SDK2: variants seen among roughly 807,000 people sequenced by gnomAD.
SDK2 encodes the protein protein sidekick-2.
SDK2 carries 105 observed loss-of-function variants against 253.9 expected under a neutral mutation model. The observed-to-expected ratio is 0.41, with a 90% CI of 0.35 to 0.49. The LOEUF (loss-of-function observed/expected upper bound fraction) is 0.49, where lower values mean the gene tolerates loss of function less well. Ranked by LOEUF, SDK2 falls within the 20% of genes least tolerant of loss-of-function variation. The probability of loss-of-function intolerance (pLI) is 0.06; values close to 1 mark genes in which losing one functional copy is unlikely to be tolerated. For missense variants in SDK2, 2,608 were observed against 3,003.0 expected, an observed-to-expected ratio of 0.87 and a Z score of 3.07; for synonymous variants, 1,249 against 1,234.9, an observed-to-expected ratio of 1.01 and a Z score of -0.24.
At chr17:73,364,611 C>T (rs1214243769) in intron 38 of SDK2, among the ~76,000 whole-genome samples, 1 of 152,078 alleles carries the variant, frequency 6.6e-6, no homozygotes, top group Non-Finnish European at 1.5e-5. Flanking sequence ...AGGGGCTCCC[C>T]TCTTCTTTTT....
chr17:73,628,599 G>A (rs1458778268), intron 1 of SDK2, among the ~76,000 whole-genome samples: 4 of 152,148 alleles, frequency 2.6e-5, no homozygotes, highest in African/African-American at 9.7e-5. Context: ...TGTGGCATAG[G>A]AGAGCTAAAC....
At chr17:73,542,958 G>A (rs1337862214) in intron 1 of SDK2, among the ~76,000 whole-genome samples, 1 of 152,168 alleles carries the variant, frequency 6.6e-6, no homozygotes, top group East Asian at 1.9e-4. Flanking sequence ...CGGATCTGGG[G>A]AGATTGGTGT....
At position 73,435,941 on chromosome 17, in the gene SDK2, A is replaced by T. The variant is rs1452923575; in HGVS notation, c.1001-297T>A. 6.6e-6 allele frequency among the ~76,000 whole-genome samples: 1 copy of T among 152,024 alleles called. No homozygotes were observed. Among genetic ancestry groups the T allele is most frequent in the Admixed American group, 6.6e-5 (1 of 15,262 alleles). On this transcript the variant is annotated intron_variant, in intron 8 of 44. Coordinates refer to ENST00000392650, the MANE Select transcript of SDK2 (RefSeq NM_001144952.2). This position sits in a 1 kb window ranked among gnomAD's most constrained non-coding sequence, Gnocchi z 5.7. The stretch of plus-strand genomic sequence containing the variant: ...ATTTTTTATTTCTATTTGTGTAGAG[A>T]TGGAGTCTTGCTAGGTTGCCCAGGG...
Position 73,398,423 on chromosome 17 carries a change from C to T in SDK2, c.3100G>A (p.Val1034Met), listed in dbSNP as rs552313285. 98 of 1,613,630 alleles carry T rather than the reference C, an allele frequency of 6.1e-5. 1 individual carries two copies. The highest frequency in any genetic ancestry group is 6.0e-4 in the South Asian group (55 of 91,052). Residue 1034 changes from valine to methionine, a missense_variant, in exon 23 of 45, where the codon GTG becomes ATG. Around this residue, in one of 2 missense-constraint regions of SDK2, gnomAD observed 1,505 missense variants for 1,859.1 expected, o/e 0.81. Coordinates refer to ENST00000392650, the MANE Select transcript of SDK2 (RefSeq NM_001144952.2). ...SRWLVEAQVG[V>M]VGEGEEWLLI... Reference sequence around the variant, plus strand: ...AACCACTCCTCTCCCTCCCCAACCACGCCTACCTGGAAAAGGGCAGGATCT... The same window carrying T: ...AACCACTCCTCTCCCTCCCCAACCATGCCTACCTGGAAAAGGGCAGGATCT...
At chr17:73,343,934 C>CCCCT (rs2062461001) in intron 44 of SDK2, among the ~76,000 whole-genome samples, 1 of 152,102 alleles carries the variant, frequency 6.6e-6, no homozygotes, top group Non-Finnish European at 1.5e-5. Context: ...GAAGCAGGAG[C>CCCCT]CCCTCCCTCA....
chr17:73,360,214 G>T (rs565213545), intron 39 of SDK2, among the ~76,000 whole-genome samples: 68 of 152,330 alleles, frequency 4.5e-4, no homozygotes, highest in South Asian at 3.9e-3. Context: ...GACAGCGGCT[G>T]GGTGGCTCCT....
chr17:73,449,841 T>C (rs986457401), intron 4 of SDK2, among the ~76,000 whole-genome samples: 1 of 151,972 alleles, frequency 6.6e-6, no homozygotes, highest in African/African-American at 2.4e-5. Context: ...GAAAATCGCT[T>C]GAACCTGGGA....
At chr17:73,602,082 G>A (rs1026198970) in intron 1 of SDK2, among the ~76,000 whole-genome samples, 7 of 152,218 alleles carry the variant, frequency 4.6e-5, no homozygotes, top group East Asian at 1.9e-4. Context: ...GTAGTGCTTC[G>A]TTGCGGCAGC....
At chr17:73,598,147 C>T (rs79071519) in intron 1 of SDK2, among the ~76,000 whole-genome samples, 2,506 of 152,218 alleles carry the variant, frequency 0.016, 80 homozygotes, top group African/African-American at 0.058. Context: ...CGTGCCCCAA[C>T]CCCAGTTAAC....
chr17:73,365,654 A>G (rs995460699), intron 37 of SDK2, among the ~76,000 whole-genome samples: 2 of 152,128 alleles, frequency 1.3e-5, no homozygotes, highest in African/African-American at 4.8e-5. Flanking sequence ...TGCAGAATTC[A>G]GGCTTCTCCC....
rs1197579998 is a variant in SDK2, at chr17:73,395,432, GC to G, written c.3355-41del. On this transcript the variant is annotated intron_variant, in intron 24 of 44. Transcript: ENST00000392650. The surrounding 1 kb of genome is among the most constrained non-coding windows in gnomAD (Gnocchi z 4.3). ...GGGTGGCAAAGCTGCTATGAGCCAG[GC>G]CCCCCACTGTGCAGGGAGGAACTGC... is the stretch of plus-strand genomic sequence containing the variant. The G allele has an allele frequency of 3.9e-6, 6 of 1,552,782 alleles. No homozygotes were observed. The highest frequency in any genetic ancestry group is 2.2e-5 in the East Asian group (1 of 44,548).
Position 73,422,294 on chromosome 17 carries a change from T to C in SDK2, c.2038A>G (p.Thr680Ala). 6.2e-7 allele frequency: 1 copy of C among 1,613,842 alleles called. No individual in the cohort carries two copies. The highest frequency in any genetic ancestry group is 8.5e-7 in the Non-Finnish European group (1 of 1,179,866). Residue 680 changes from threonine to alanine, a missense_variant, in exon 15 of 45, where the codon ACC becomes GCC. Around this residue, in one of 2 missense-constraint regions of SDK2, gnomAD observed 1,505 missense variants for 1,859.1 expected, o/e 0.81. Coordinates refer to ENST00000392650, the MANE Select transcript of SDK2 (RefSeq NM_001144952.2). The stretch of plus-strand genomic sequence containing the variant: ...GAGCGCCAGTGCCCTCACCTCTCGG[T>C]GTCTTTGCTGAACTGTCCTTTCCCC... ...DVGKGQFSKD[T>A]ERVSLPEEPP...
chr17:73,453,370 G>GTTTTTTTTTTTTTTTTTTTTT (rs34814268), intron 4 of SDK2, among the ~76,000 whole-genome samples: 2 of 141,226 alleles, frequency 1.4e-5, no homozygotes. Flanking sequence ...CTGAGCTGGG[G>GTTTTTTTTTTTTTTTTTTTTT]TTTTTTTTTT....
At chr17:73,594,609 C>A (rs1190131289) in intron 1 of SDK2, among the ~76,000 whole-genome samples, 2 of 151,940 alleles carry the variant, frequency 1.3e-5, no homozygotes, top group African/African-American at 4.8e-5. Context: ...CACACACACA[C>A]AACACATACA....
intron 2 of SDK2, among the ~76,000 whole-genome samples, chr17:73,483,556 T>A (rs2063743217): frequency 7.0e-6 from 1 of 142,640 alleles, no homozygotes; most frequent in Non-Finnish European, 1.5e-5. Flanking sequence ...TATGTATATG[T>A]GTATATGTAT....
chr17:73,526,225 A>G (rs1422352220), intron 1 of SDK2, among the ~76,000 whole-genome samples: 1 of 151,874 alleles, frequency 6.6e-6, no homozygotes, highest in African/African-American at 2.4e-5. Context: ...TAGCTATTTC[A>G]GCATGATGGG....
intron 1 of SDK2, among the ~76,000 whole-genome samples, chr17:73,522,687 G>C (rs1798377894): frequency 6.6e-6 from 1 of 152,202 alleles, no homozygotes; most frequent in Non-Finnish European, 1.5e-5. Context: ...CATGTCCTCA[G>C]ATTTAATCAG....
Position 73,355,168 on chromosome 17 carries a change from A to ATG in SDK2, c.5594-2532_5594-2531insCA, listed in dbSNP as rs1599477828. Among the ~76,000 whole-genome samples, 42 of 29,244 alleles carry ATG rather than the reference A, an allele frequency of 1.4e-3. 1 individual carries two copies. Among genetic ancestry groups the ATG allele is most frequent in the South Asian group, 7.2e-3 (3 of 414 alleles). The allele number at this position is 29,244 out of a possible 152,430, so 19.2% of individuals were successfully genotyped here. A position where few individuals can be genotyped will look rare whatever the true frequency, so the allele number is the denominator to read the frequency against. ...CTGCCTCCTACACCTCCATATATAT[A>ATG]TATATATTTTTTTTTTTTTTTTTTT... On this transcript the variant is annotated intron_variant, in intron 40 of 44. Coordinates refer to ENST00000392650, the MANE Select transcript of SDK2 (RefSeq NM_001144952.2).
At position 73,643,965 on chromosome 17, in the gene SDK2, C is replaced by CCCCCCCCCCCCCCCCACAA; in HGVS notation, c.64+59_64+60insTTGTGGGGGGGGGGGGGGG. 1 of 838,252 alleles carries CCCCCCCCCCCCCCCCACAA rather than the reference C, an allele frequency of 1.2e-6. No homozygotes were observed. The highest frequency in any genetic ancestry group is 1.9e-6 in the Non-Finnish European group (1 of 513,862). 51.9% of individuals were successfully genotyped at this position (838,252 alleles called of 1,614,324 possible). A position where few individuals can be genotyped will look rare whatever the true frequency, so the allele number is the denominator to read the frequency against. On this transcript the variant is annotated intron_variant, in intron 1 of 44. Coordinates refer to ENST00000392650, the MANE Select transcript of SDK2 (RefSeq NM_001144952.2). This position sits in a 1 kb window ranked among gnomAD's most constrained non-coding sequence, Gnocchi z 6.9. ...CCGTGAGGCCGGCCAGCTCCCGCCG[C>CCCCCCCCCCCCCCCCACAA]CCCTCCCCCGCCCACTCTCCCAGCC...
Sources: gnomAD v4.1 joint callset for allele counts (sites outside exome capture counted in the v4.1 genomes callset) on GRCh38, gnomAD v4.1.1 for gene constraint, gnomAD v4.1.1 regional missense constraint, Gnocchi (gnomAD v3.1) non-coding constraint, MANE v1.5 for transcripts, NCBI Gene and HGNC (gene_info 2026-07-23, HGNC 2026-07-21) for gene names.